Variants in PIK3C2G observed in about 807,000 individuals in gnomAD.
The protein encoded by PIK3C2G is phosphatidylinositol 3-kinase C2 domain-containing subunit gamma.
PIK3C2G carries 168 observed loss-of-function variants against 181.1 expected under a neutral mutation model. The observed-to-expected ratio is 0.93, with a 90% CI of 0.82 to 1.05. The LOEUF (loss-of-function observed/expected upper bound fraction) is 1.05. Ranked by LOEUF, PIK3C2G falls within the 50% of genes least tolerant of loss-of-function variation. The probability of loss-of-function intolerance (pLI) is 0.00; values close to 1 mark genes in which losing one functional copy is unlikely to be tolerated. For synonymous variants in PIK3C2G, 573 were observed against 592.2 expected (o/e 0.97, Z 0.47); for missense variants, 1,869 against 1,732.8 (o/e 1.08, Z -1.40).
At chr12:18,645,229 T>C (rs565590727) in intron 32 of PIK3C2G, among the ~76,000 whole-genome samples, 2 of 152,136 alleles carry the variant, frequency 1.3e-5, no homozygotes, top group Admixed American at 6.5e-5. Context: ...TCTCAAAGAA[T>C]ATAATCATCT....
intron 5 of PIK3C2G, among the ~76,000 whole-genome samples, chr12:18,305,084 C>T (rs1950363486): frequency 1.3e-5 from 2 of 152,090 alleles, no homozygotes; most frequent in Admixed American, 1.3e-4. Context: ...TAGTGCTTCA[C>T]CTAATATTCT....
rs192107642 is a variant in PIK3C2G at position 18,484,936 on chromosome 12, C to T, written c.2505-3513C>T. On this transcript the variant is annotated intron_variant, in intron 18 of 32. Transcript: ENST00000538779. Reference sequence around the variant, plus strand: ...CACTAAAAATTGGTCTCCTGATCCACGTACCTCAGCCCAAACAAAGTAGCA... The same window carrying T: ...CACTAAAAATTGGTCTCCTGATCCATGTACCTCAGCCCAAACAAAGTAGCA... 9.5e-4 allele frequency among the ~76,000 whole-genome samples: 145 copies of T among 152,262 alleles called. No individual in the cohort carries two copies. In the East Asian group the frequency reaches 0.019, roughly 19 times the overall value.
chr12:18,475,038 G>A (rs1938831587), intron 18 of PIK3C2G, among the ~76,000 whole-genome samples: 1 of 152,006 alleles, frequency 6.6e-6, no homozygotes, highest in African/African-American at 2.4e-5. Flanking sequence ...TATGATGGGA[G>A]AATCTCATAA....
chr12:18,313,256 T>C (rs1030211481), intron 5 of PIK3C2G, among the ~76,000 whole-genome samples: 3 of 152,152 alleles, frequency 2.0e-5, no homozygotes, highest in Admixed American at 6.6e-5. Flanking sequence ...AATTTGTGCT[T>C]GATAAATATT....
chr12:18,488,720 G>T (rs895101616), intron 19 of PIK3C2G, 91 bp downstream of exon 19: 1 of 756,426 alleles, frequency 1.3e-6, no homozygotes, highest in South Asian at 3.5e-5. Flanking sequence ...CAAATTCCTT[G>T]ATTACACTTA....
intron 26 of PIK3C2G, among the ~76,000 whole-genome samples, chr12:18,559,813 TATATATATAGAGAGAG>T (rs1279373226): frequency 5.4e-4 from 15 of 27,948 alleles, no homozygotes; most frequent in Non-Finnish European, 6.3e-4. Flanking sequence ...TATATATATA[TATATATATAGAGAGAG>T]AGAGAGAGAG....
chr12:18,301,623 A>T (rs1950178602), intron 5 of PIK3C2G, among the ~76,000 whole-genome samples: 1 of 147,042 alleles, frequency 6.8e-6, no homozygotes, highest in Non-Finnish European at 1.5e-5. Flanking sequence ...TGTTTTTATG[A>T]TTTTTTGTGC....
chr12:18,721,905 G>A, the PIK3C2G span, among the ~76,000 whole-genome samples: 8 of 151,872 alleles, frequency 5.3e-5, no homozygotes. Flanking sequence ...TCTTTGCATG[G>A]CACTGAGTCA....
At chr12:18,609,674 G>C in intron 31 of PIK3C2G, 45 bp downstream of exon 31, 1 of 1,185,814 alleles carries the variant, frequency 8.4e-7, no homozygotes, top group East Asian at 2.6e-5. Flanking sequence ...CCTACATCCA[G>C]AAATCACTTA....
rs751092932 is a variant in PIK3C2G at position 18,391,268 on chromosome 12, C to T, written c.2126+16C>T. The stretch of plus-strand genomic sequence containing the variant: ...CTCCCCTACTGTAAGTGACCTAGGT[C>T]TTGTGAATGAATTTTTGCCTGCTGT... On this transcript the variant is annotated intron_variant, in intron 15 of 32. Coordinates refer to ENST00000538779, the MANE Select transcript of PIK3C2G (RefSeq NM_001288772.2). 17 of 1,539,150 alleles carry T rather than the reference C, an allele frequency of 1.1e-5. No individual in the cohort carries two copies. Among genetic ancestry groups the T allele is most frequent in the Non-Finnish European group, 1.5e-5 (17 of 1,145,688 alleles).
intron 30 of PIK3C2G, among the ~76,000 whole-genome samples, chr12:18,602,745 A>G (rs1235374296): frequency 6.6e-6 from 1 of 152,164 alleles, no homozygotes; most frequent in African/African-American, 2.4e-5. Context: ...AGGTAGGCTC[A>G]CTGGGTGAAT....
At chr12:18,395,392 CA>C (rs1943817663) in intron 15 of PIK3C2G, among the ~76,000 whole-genome samples, 1 of 149,634 alleles carries the variant, frequency 6.7e-6, no homozygotes, top group Non-Finnish European at 1.5e-5. Flanking sequence ...ACAACTTTTT[CA>C]AATTAGAACT....
the PIK3C2G span, among the ~76,000 whole-genome samples, chr12:18,698,735 G>A: frequency 1.3e-5 from 2 of 152,132 alleles, no homozygotes. Context: ...ATCAGGATAA[G>A]TGGTGTATCC....
the PIK3C2G span, among the ~76,000 whole-genome samples, chr12:18,703,041 A>G: frequency 1.3e-5 from 2 of 152,130 alleles, no homozygotes; most frequent in African/African-American, 2.4e-5. Context: ...AATGAAAGCT[A>G]TGTACGGGAA....
chr12:18,590,638 C>T (rs1188765959), intron 29 of PIK3C2G, among the ~76,000 whole-genome samples: 22 of 151,870 alleles, frequency 1.4e-4, no homozygotes, highest in Non-Finnish European at 7.4e-5. Context: ...TTCAGACTAT[C>T]TATTGGTGCA....
At position 18,594,533 on chromosome 12, in the gene PIK3C2G, C is replaced by T. The variant is rs1947251749; in HGVS notation, c.4051C>T (p.Gln1351Ter). 1 of 1,553,148 alleles carries T rather than the reference C, an allele frequency of 6.4e-7. No individual in the cohort carries two copies. The highest frequency in any genetic ancestry group is 2.1e-5 in the Admixed American group (1 of 48,532). ...VLSFFLSEAV[Q>*]QTVEESSPVY... is the part of the protein sequence containing the mutation. ...TAGCTTTTTCCTCTCTGAGGCTGTGCAACAAACAGTTGAAGAATCATCACC... is the reference window on the plus strand; with the variant it reads ...TAGCTTTTTCCTCTCTGAGGCTGTGTAACAAACAGTTGAAGAATCATCACC... Residue 1351 changes from glutamine to a stop codon, truncating the protein, a stop_gained, in exon 30 of 33, where the codon CAA (glutamine) becomes TAA (stop). Transcript: ENST00000538779. LOFTEE classifies it high-confidence loss of function.
At chr12:18,709,196 G>C in the PIK3C2G span, among the ~76,000 whole-genome samples, 1 of 151,984 alleles carries the variant, frequency 6.6e-6, no homozygotes, top group Non-Finnish European at 1.5e-5. Flanking sequence ...TGTTGTGTAT[G>C]GTATAAGATA....
intron 7 of PIK3C2G, among the ~76,000 whole-genome samples, chr12:18,321,512 T>C (rs1311627617): frequency 1.3e-5 from 2 of 152,232 alleles, no homozygotes; most frequent in East Asian, 1.9e-4. Context: ...TCTAAATGTA[T>C]GCATGTATTA....
At chr12:18,477,499 T>C (rs1939122536) in intron 18 of PIK3C2G, among the ~76,000 whole-genome samples, 1 of 152,076 alleles carries the variant, frequency 6.6e-6, no homozygotes, top group Non-Finnish European at 1.5e-5. Context: ...CAAGGATAGG[T>C]AAATTACATA....
Sources: allele counts gnomAD v4.1 joint callset (sites outside exome capture counted in the v4.1 genomes callset), GRCh38; gene constraint gnomAD v4.1.1; transcripts MANE v1.5; gene names NCBI Gene and HGNC (gene_info 2026-07-23, HGNC 2026-07-21).